Variants in MELK observed in about 807,000 individuals in gnomAD.
MELK encodes the protein pEg3 kinase.
MELK carries 81 observed loss-of-function variants against 85.0 expected under a neutral mutation model. That is an observed-to-expected ratio of 0.95 (90% CI 0.80 to 1.15). MELK has a LOEUF of 1.15. Among genes scored for constraint, MELK ranks in the 50% most tolerant of loss-of-function variants. MELK has a pLI of 0.00. For synonymous variants in MELK, 252 were observed against 265.0 expected (o/e 0.95, Z 0.48); for missense variants, 754 against 777.5 (o/e 0.97, Z 0.36).
chr9:36,593,674 T>C (rs1356897860), intron 4 of MELK, among the ~76,000 whole-genome samples: 1 of 152,156 alleles, frequency 6.6e-6, no homozygotes, highest in African/African-American at 2.4e-5. Context: ...CGTTTTTTGT[T>C]GTTGTTGTTG....
At chr9:36,669,606 T>C (rs2138049580) in intron 15 of MELK, among the ~76,000 whole-genome samples, 200 bp downstream of exon 15, 1 of 152,274 alleles carries the variant, frequency 6.6e-6, no homozygotes. Flanking sequence ...ATCATGAAAC[T>C]GATCAGCAGT....
chr9:36,660,048 C>T (rs887733244), intron 13 of MELK, among the ~76,000 whole-genome samples: 1 of 152,214 alleles, frequency 6.6e-6, no homozygotes, highest in African/African-American at 2.4e-5. Flanking sequence ...ATCCACCTGC[C>T]TCAGCCTCCC....
chr9:36,599,562 T>A, intron 7 of MELK, 76 bp downstream of exon 7: 1 of 1,015,406 alleles, frequency 9.8e-7, no homozygotes, highest in Non-Finnish European at 1.5e-6. Flanking sequence ...TCAGGCACTG[T>A]GCGTTGGGGG....
intron 8 of MELK, among the ~76,000 whole-genome samples, chr9:36,611,733 T>A (rs1156748151): frequency 4.0e-5 from 6 of 150,588 alleles, no homozygotes; most frequent in Non-Finnish European, 8.8e-5. Flanking sequence ...GCATTTAGAG[T>A]GGTGCTCAAT....
chr9:36,601,937 T>A (rs1824971759), intron 7 of MELK, among the ~76,000 whole-genome samples: 1 of 152,240 alleles, frequency 6.6e-6, no homozygotes, highest in African/African-American at 2.4e-5. Flanking sequence ...TTCCATTGTA[T>A]GTATATACCA....
chr9:36,589,612 A>G lies in MELK; in HGVS notation c.221A>G (p.His74Arg), dbSNP rs575137753. 1.2e-6 allele frequency: 2 copies of G among 1,614,016 alleles called. No homozygotes were observed. Among genetic ancestry groups the G allele is most frequent in the Non-Finnish European group, 1.7e-6 (2 of 1,179,898 alleles). The change falls in exon 4 of 18, where the codon CAT (histidine) becomes CGT (arginine). Residue 74 changes from histidine (H) to arginine (R), a missense_variant. Physicochemically the swap from His to Arg is conservative, Grantham distance 29. Transcript: ENST00000298048. ...LRHQHICQLY[H>R]VLETANKIFM... ...CATCAGCATATATGTCAACTCTACC[A>G]TGTGCTAGAGACAGCCAACAAAATA... is the stretch of plus-strand genomic sequence containing the variant.
At chr9:36,624,741 G>A (rs540039513) in intron 8 of MELK, among the ~76,000 whole-genome samples, 1 of 152,290 alleles carries the variant, frequency 6.6e-6, no homozygotes, top group Non-Finnish European at 1.5e-5. Context: ...TTTCTGTGGA[G>A]TACTCCTACT....
intron 7 of MELK, among the ~76,000 whole-genome samples, chr9:36,604,644 T>C (rs1156281310): frequency 1.3e-5 from 2 of 151,524 alleles, no homozygotes; most frequent in Non-Finnish European, 2.9e-5. Flanking sequence ...TGAGCCACCA[T>C]GCCTGACCCT....
Position 36,600,751 on chromosome 9 carries a change from A to G in MELK, c.567+1265A>G, listed in dbSNP as rs201057478. On this transcript the variant is annotated intron_variant, in intron 7 of 17. Coordinates refer to ENST00000298048, the MANE Select transcript of MELK (RefSeq NM_014791.4). ...CTTCAGGAAAGGAACATCACAGATA[A>G]CAGCTGGTTCTGATTTTATTTGCCT... is the stretch of plus-strand genomic sequence containing the variant. Among the ~76,000 whole-genome samples the G allele has an allele frequency of 2.0e-3, 306 of 152,314 alleles. 2 individuals carry two copies. The highest frequency in any genetic ancestry group is 3.5e-3 in the South Asian group (17 of 4,828).
chr9:36,629,196 A>G (rs1288911980), intron 8 of MELK, among the ~76,000 whole-genome samples: 1 of 152,146 alleles, frequency 6.6e-6, no homozygotes. Flanking sequence ...TCTGGGTGGA[A>G]TTAATTTTGG....
In MELK at chr9:36,671,119, A is replaced by C. The variant is rs538112795; in HGVS notation, c.1627A>C (p.Arg543=). The change falls in exon 16 of 18, where the codon AGG becomes CGG. Residue 543 remains arginine, a synonymous_variant. Transcript: ENST00000298048. ...GGATAAGGTTATCACTGTGCTCACC[A>C]GGAGCAAAAGGAAGGGTTCTGCCAG... The part of the protein sequence containing the change: ...GLDKVITVLT[R]SKRKGSARDG... 1 of 1,611,050 alleles carries C rather than the reference A, an allele frequency of 6.2e-7. No individual in the cohort carries two copies. Among genetic ancestry groups the C allele is most frequent in the African/African-American group, 1.3e-5 (1 of 74,952 alleles).
At chr9:36,614,402 C>T (rs116639745) in intron 8 of MELK, among the ~76,000 whole-genome samples, 3,074 of 115,982 alleles carry the variant, frequency 0.027, 94 homozygotes, top group African/African-American at 0.096. Flanking sequence ...GCCTGGATGT[C>T]TTTTTTAAAA....
intron 10 of MELK, among the ~76,000 whole-genome samples, chr9:36,636,790 GTCTTTCTT>G (rs1318766048): frequency 1.9e-4 from 13 of 67,696 alleles, no homozygotes; most frequent in African/African-American, 4.9e-4. Context: ...CTTTCTGTCT[GTCTTTCTT>G]TCTTTCTGTC....
At position 36,594,777 on chromosome 9, in the gene MELK, T is replaced by A. The variant is rs760350903; in HGVS notation, c.405+6T>A. ...CTCACAGGGACCTCAAGCCAGTAAGTGACTGCATCACAGTTAGATGCTCAC... is the reference window on the plus strand; with the variant it reads ...CTCACAGGGACCTCAAGCCAGTAAGAGACTGCATCACAGTTAGATGCTCAC... On this transcript the variant is annotated splice_donor_region_variant and intron_variant, in intron 5 of 17. Coordinates refer to ENST00000298048, the MANE Select transcript of MELK (RefSeq NM_014791.4). The A allele has an allele frequency of 1.4e-5, 22 of 1,611,810 alleles. No homozygotes were observed. Among genetic ancestry groups the A allele is most frequent in the Non-Finnish European group, 1.9e-5 (22 of 1,179,180 alleles).
rs1171092470 is a variant in MELK at position 36,677,398 on chromosome 9, G to A, written c.*61G>A. ...GTGTGATACAGCCTACATAAAGACT[G>A]TTATGATCGCTTTGATTTTAAAGTT... On this transcript the variant is annotated 3_prime_UTR_variant, in exon 18 of 18. Coordinates refer to ENST00000298048, the MANE Select transcript of MELK (RefSeq NM_014791.4). 1.4e-6 allele frequency: 2 copies of A among 1,418,598 alleles called. No individual in the cohort carries two copies. The highest frequency in any genetic ancestry group is 1.9e-6 in the Non-Finnish European group (2 of 1,066,742). The allele number at this position is 1,418,598 out of a possible 1,614,324, so 87.9% of individuals were successfully genotyped here. A position where few individuals can be genotyped will look rare whatever the true frequency, so the allele number is the denominator to read the frequency against.
At chr9:36,664,927 A>T (rs1382866750) in intron 13 of MELK, among the ~76,000 whole-genome samples, 1 of 152,234 alleles carries the variant, frequency 6.6e-6, no homozygotes, top group African/African-American at 2.4e-5. Context: ...TAAATTTAAA[A>T]GGATTAAAAA....
chr9:36,650,541 G>A (rs554011975), intron 11 of MELK, among the ~76,000 whole-genome samples: 11 of 152,320 alleles, frequency 7.2e-5, no homozygotes, highest in African/African-American at 2.4e-4. Context: ...TCAAAACTGC[G>A]AAGATTATTA....
At chr9:36,676,206 T>A (rs1005068865) in intron 17 of MELK, among the ~76,000 whole-genome samples, 4 of 152,196 alleles carry the variant, frequency 2.6e-5, no homozygotes, top group Non-Finnish European at 4.4e-5. Flanking sequence ...CCAAAACACA[T>A]GACTAAGTTA....
At chr9:36,584,982 G>T (rs1822726086) in intron 3 of MELK, among the ~76,000 whole-genome samples, 1 of 152,114 alleles carries the variant, frequency 6.6e-6, no homozygotes, top group African/African-American at 2.4e-5. Context: ...GCTTCCCAAA[G>T]TACAGGGTAT....
Sources: allele counts gnomAD v4.1 joint callset (sites outside exome capture counted in the v4.1 genomes callset), GRCh38; gene constraint gnomAD v4.1.1; transcripts MANE v1.5; gene names NCBI Gene and HGNC (gene_info 2026-07-23, HGNC 2026-07-21).